The following PERM1 variants were observed in gnomAD, a reference collection of about 807,000 sequenced individuals.
The protein encoded by PERM1 is PPARGC1 and ESRR induced regulator, muscle 1.
A neutral mutation model predicts 44.1 loss-of-function variants in PERM1; 45 were observed. That is an observed-to-expected ratio of 1.02 (90% CI 0.80 to 1.31). PERM1 has a LOEUF of 1.31. PERM1 is among the 50% of genes most tolerant of loss of function. PERM1 has a pLI of 0.00. For synonymous variants in PERM1, 565 were observed against 477.1 expected, an observed-to-expected ratio of 1.18 and a Z score of -2.40; for missense variants, 1,189 against 1,106.9, an observed-to-expected ratio of 1.07 and a Z score of -1.05.
chr1:980,627 C>A lies in PERM1; in HGVS notation c.403G>T (p.Gly135Ter). The A allele has an allele frequency of 6.9e-7, 1 of 1,444,252 alleles. No homozygotes were observed. Among genetic ancestry groups the A allele is most frequent in the Non-Finnish European group, 9.1e-7 (1 of 1,098,726 alleles). The allele number at this position is 1,444,252 out of a possible 1,614,324, so 89.5% of individuals were successfully genotyped here. The change falls in exon 1 of 3, where the codon GGA becomes TGA. Residue 135 changes from glycine (G) to a stop codon, truncating the protein, a stop_gained. Transcript: ENST00000433179. LOFTEE classifies it high-confidence loss of function. ...TGCAGAAGCCTCTGCATCTGGTCTC[C>A]AGAAGACGCCGGACCAGGGCAGGAT... is the stretch of plus-strand genomic sequence containing the variant.
chr1:979,339 G>A (rs1643718890), exon 1 of PERM1: 2 of 1,521,944 alleles, frequency 1.3e-6, no homozygotes, highest in Middle Eastern at 1.7e-4. Flanking sequence ...CACGGCAGAG[G>A]GAGGGGGGCG....
exon 1 of PERM1, chr1:979,002 C>G (rs1049026513): frequency 2.0e-6 from 3 of 1,530,494 alleles, no homozygotes; most frequent in Non-Finnish European, 1.8e-6. Context: ...GCGGGACAGC[C>G]GGCCCCAGCA....
chr1:976,086 G>A, exon 3 of PERM1: 1 of 1,336,570 alleles, frequency 7.5e-7, no homozygotes, highest in Non-Finnish European at 1.0e-6. Context: ...GGGGTCAGAG[G>A]GCCCGGGCGA....
At chr1:978,129 C>G (rs1235900454) in intron 1 of PERM1, among the ~76,000 whole-genome samples, 1 of 126,422 alleles carries the variant, frequency 7.9e-6, no homozygotes, top group Non-Finnish European at 1.7e-5. Context: ...CACACGGCCG[C>G]CCCGGGAACC....
exon 1 of PERM1, chr1:979,576 C>T (rs1303769312): frequency 1.9e-6 from 3 of 1,550,050 alleles, no homozygotes; most frequent in Non-Finnish European, 2.6e-6. Flanking sequence ...AGAGCAGCAT[C>T]CGGGGGCCCC....
intron 1 of PERM1, among the ~76,000 whole-genome samples, chr1:978,318 C>A (rs115113522): frequency 3.3e-5 from 5 of 150,748 alleles, no homozygotes; most frequent in Admixed American, 3.3e-4. Context: ...ACCCTGGACA[C>A]GTCTTCCCGA....
At chr1:976,742 C>G in intron 1 of PERM1, 118 bp from the exon 3 acceptor site, 1 of 761,338 alleles carries the variant, frequency 1.3e-6, no homozygotes, top group South Asian at 2.1e-5. Context: ...CTCCCACTCC[C>G]CCCGCCAACC....
chr1:980,404 A>G, exon 1 of PERM1: 1 of 1,549,844 alleles, frequency 6.5e-7, no homozygotes, highest in South Asian at 1.2e-5. Context: ...GGCCGCAGGG[A>G]GCAGCGGGGA....
chr1:981,376 T>C (rs144424868), upstream of PERM1, among the ~76,000 whole-genome samples: 165 of 152,292 alleles, frequency 1.1e-3, no homozygotes, highest in African/African-American at 3.8e-3. Context: ...CCAGCCGTCC[T>C]CAGGTTTGAA....
intron 1 of PERM1, among the ~76,000 whole-genome samples, chr1:978,219 C>G (rs1442831020): frequency 6.8e-6 from 1 of 146,206 alleles, no homozygotes; most frequent in Non-Finnish European, 1.5e-5. Context: ...CTGCCTGCCC[C>G]GCACACGCCC....
At chr1:979,531 C>G (rs1643727623) in exon 1 of PERM1, 1 of 1,549,888 alleles carries the variant, frequency 6.5e-7, no homozygotes, top group Non-Finnish European at 8.7e-7. Flanking sequence ...TTTCTTCTTC[C>G]TGGGGACTTG....
exon 1 of PERM1, chr1:979,129 G>C (rs937152501): frequency 6.5e-7 from 1 of 1,549,898 alleles, no homozygotes; most frequent in African/African-American, 1.4e-5. Flanking sequence ...GAGCGGCTCC[G>C]GGGACCCCCG....
In PERM1 at chr1:976,637, C is replaced by G; in HGVS notation, c.2150-13G>C. 6.5e-7 allele frequency: 1 copy of G among 1,548,978 alleles called. No individual in the cohort carries two copies. Among genetic ancestry groups the G allele is most frequent in the Non-Finnish European group, 8.7e-7 (1 of 1,146,096 alleles). On this transcript the variant is annotated splice_polypyrimidine_tract_variant and intron_variant, in intron 1 of 2. Transcript: ENST00000433179. ...CCCCGGAGCTCCCCTAGGACAGAAG[C>G]TCACCTTCAGCCCCACGGCTGCACT...
downstream of PERM1, chr1:975,204 G>T (rs935217399): frequency 6.6e-6 from 1 of 152,558 alleles, no homozygotes; most frequent in Admixed American, 6.5e-5. Flanking sequence ...GAAAGAAAAA[G>T]AAAAGATAGA....
Position 980,474 on chromosome 1 carries a change from G to A in PERM1, c.556C>T (p.Arg186Ter), listed in dbSNP as rs545665777. The A allele has an allele frequency of 6.4e-5, 98 of 1,522,644 alleles. No individual in the cohort carries two copies. Among genetic ancestry groups the A allele is most frequent in the Non-Finnish European group, 5.8e-5 (66 of 1,133,236 alleles). 94.3% of individuals were successfully genotyped at this position (1,522,644 alleles called of 1,614,324 possible). A position where few individuals can be genotyped will look rare whatever the true frequency, so the allele number is the denominator to read the frequency against. ...CCACCCCCCTTGGCACCCACAGCTC[G>A]CCTCTTCTTTCGGCTGGGGCTCCGT... The change falls in exon 1 of 3, where the codon CGA becomes TGA. Residue 186 changes from arginine to a stop codon, truncating the protein, a stop_gained. Transcript: ENST00000433179. LOFTEE classifies it high-confidence loss of function.
intron 1 of PERM1, 68 bp downstream of exon 2, chr1:978,813 C>T: frequency 7.2e-7 from 1 of 1,382,364 alleles, no homozygotes; most frequent in African/African-American, 1.5e-5. Flanking sequence ...CGGCCCCCTG[C>T]TTGGCCAAGA....
At chr1:979,122 C>T (rs759972334) in exon 1 of PERM1, 34 of 1,549,740 alleles carry the variant, frequency 2.2e-5, no homozygotes, top group African/African-American at 6.8e-5. Context: ...CTCTCGGGAG[C>T]GGCTCCGGGG....
upstream of PERM1, chr1:981,268 G>A: frequency 7.4e-7 from 1 of 1,343,096 alleles, no homozygotes. Context: ...CAGCTCCCAT[G>A]ACCCTAGTTC....
exon 1 of PERM1, chr1:981,004 T>C: frequency 1.3e-6 from 2 of 1,522,308 alleles, no homozygotes; most frequent in Non-Finnish European, 1.8e-6. Context: ...GTCACTCAGC[T>C]GGACGCTGTA....
Sources: allele counts gnomAD v4.1 joint callset (sites outside exome capture counted in the v4.1 genomes callset), GRCh38; gene constraint gnomAD v4.1.1; transcripts MANE v1.5; gene names NCBI Gene and HGNC (gene_info 2026-07-23, HGNC 2026-07-21).